The following PCDHGB2 variants were observed in gnomAD, a reference collection of about 807,000 sequenced individuals.
PCDHGB2 encodes the protein protocadherin gamma-B2.
A neutral mutation model predicts 59.3 loss-of-function variants in PCDHGB2; 55 were observed. The ratio of observed to expected loss-of-function variants is 0.93; its 90% CI spans 0.75 to 1.16. PCDHGB2 has a LOEUF of 1.16. PCDHGB2 is among the 50% of genes most tolerant of loss of function. The pLI is 0.00. For missense variants in PCDHGB2, 1,228 were observed against 1,198.5 expected, an observed-to-expected ratio of 1.02 and a Z score of -0.36; for synonymous variants, 516 against 512.0, an observed-to-expected ratio of 1.01 and a Z score of -0.11.
At chr5:141,376,287 T>A in intron 1 of PCDHGB2, 1 of 1,614,228 alleles carries the variant, frequency 6.2e-7, no homozygotes, top group Non-Finnish European at 8.5e-7. Flanking sequence ...TTAGCGAGCA[T>A]GCCCGGCTCG....
At chr5:141,376,221 C>A (rs919176873) in intron 1 of PCDHGB2, 8 of 1,614,216 alleles carry the variant, frequency 5.0e-6, no homozygotes, top group Middle Eastern at 1.7e-4. Context: ...GTGCTGCTGG[C>A]GCTCAGACTG....
chr5:141,424,383 T>C (rs2096817494), intron 1 of PCDHGB2: 2 of 152,238 alleles, frequency 1.3e-5, no homozygotes, highest in Non-Finnish European at 2.9e-5. Context: ...AAGCTCTAGA[T>C]GTCTTTTCCA....
rs370603640 is a variant in PCDHGB2, at chr5:141,365,604, T to A, written c.2421+3048T>A. Reference sequence around the variant, plus strand: ...GATTATAATATCACTTTAACCGTCATGGACCATGGAACCCCGCCCCTCTCT... The same window carrying A: ...GATTATAATATCACTTTAACCGTCAAGGACCATGGAACCCCGCCCCTCTCT... On this transcript the variant is annotated intron_variant, in intron 1 of 3. Coordinates refer to ENST00000522605, the MANE Select transcript of PCDHGB2 (RefSeq NM_018923.3). 2.5e-6 allele frequency: 4 copies of A among 1,613,672 alleles called. No individual in the cohort carries two copies. The South Asian group carries it at 4.4e-5, about 18-fold the overall frequency.
At chr5:141,404,707 C>G in intron 1 of PCDHGB2, 1 of 1,614,122 alleles carries the variant, frequency 6.2e-7, no homozygotes, top group Non-Finnish European at 8.5e-7. Context: ...CAGAGCCTGG[C>G]TACCTGGTGA....
chr5:141,445,120 AT>A (rs1287463110), intron 1 of PCDHGB2, among the ~76,000 whole-genome samples: 1 of 152,228 alleles, frequency 6.6e-6, no homozygotes, highest in African/African-American at 2.4e-5. Flanking sequence ...TGTAAATAGT[AT>A]TTTTAAAATT....
chr5:141,400,650 C>T, intron 1 of PCDHGB2: 13 of 1,174,166 alleles, frequency 1.1e-5, no homozygotes, highest in Non-Finnish European at 1.6e-5. Context: ...AGAAAGCTGT[C>T]CTACCATTCT....
chr5:141,431,799 T>A lies in PCDHGB2; in HGVS notation c.2422-63008T>A. 6.2e-7 allele frequency: 1 copy of A among 1,614,228 alleles called. No homozygotes were observed. The highest frequency in any genetic ancestry group is 8.5e-7 in the Non-Finnish European group (1 of 1,180,036). On this transcript the variant is annotated intron_variant, in intron 1 of 3. Transcript: ENST00000522605. This position sits in a 1 kb window ranked among gnomAD's most constrained non-coding sequence, Gnocchi z 4.8. ...GACGTGAACGACAATGCCCCAGAAG[T>A]GGTCCTCACCTCTCTCGCCAGCTCG...
At position 141,491,566 on chromosome 5, in the gene PCDHGB2, A is replaced by G; in HGVS notation, c.2422-3241A>G. Reference sequence around the variant, plus strand: ...AGACTCGCAGAGCCACTGCTACAGGACGTGCTTTTCACCGGCCTCGGACGG... The same window carrying G: ...AGACTCGCAGAGCCACTGCTACAGGGCGTGCTTTTCACCGGCCTCGGACGG... On this transcript the variant is annotated intron_variant, in intron 1 of 3. Transcript: ENST00000522605. This position sits in a 1 kb window ranked among gnomAD's most constrained non-coding sequence, Gnocchi z 6.9. 1 of 1,613,950 alleles carries G rather than the reference A, an allele frequency of 6.2e-7. No individual in the cohort carries two copies.
chr5:141,421,731 C>A (rs73792198), intron 1 of PCDHGB2: 144,261 of 1,613,668 alleles, frequency 0.089, 7,407 homozygotes, highest in African/African-American at 0.18. Flanking sequence ...TGAACTCCCT[C>A]CAGAGCTACC....
chr5:141,457,058 T>A (rs756862311), intron 1 of PCDHGB2, among the ~76,000 whole-genome samples: 2 of 152,230 alleles, frequency 1.3e-5, no homozygotes, highest in Non-Finnish European at 2.9e-5. Flanking sequence ...TCATGCTTCC[T>A]TTTTGCCAGT....
chr5:141,394,128 G>T, intron 1 of PCDHGB2: 10 of 1,613,730 alleles, frequency 6.2e-6, no homozygotes, highest in Non-Finnish European at 5.9e-6. Context: ...AACTCAAATC[G>T]CTCTGCACGT....
chr5:141,402,402 T>TTAAGATAC (rs1275769528), intron 1 of PCDHGB2, among the ~76,000 whole-genome samples: 2 of 152,012 alleles, frequency 1.3e-5, no homozygotes, highest in South Asian at 4.1e-4. Context: ...CAGAAAATTG[T>TTAAGATAC]TAAGATACAC....
intron 1 of PCDHGB2, chr5:141,385,537 T>A (rs1486400401): frequency 1.5e-6 from 2 of 1,341,418 alleles, no homozygotes; most frequent in Non-Finnish European, 1.9e-6. Flanking sequence ...ATTATGAATA[T>A]GTGGACTATC....
intron 1 of PCDHGB2, chr5:141,372,151 A>G: frequency 6.2e-7 from 1 of 1,613,654 alleles, no homozygotes; most frequent in South Asian, 1.1e-5. Flanking sequence ...GAGCCTGGCT[A>G]CCTGGTGACC....
intron 1 of PCDHGB2, among the ~76,000 whole-genome samples, chr5:141,472,001 G>A (rs992798148): frequency 1.1e-4 from 17 of 152,022 alleles, no homozygotes; most frequent in East Asian, 3.9e-4. Context: ...TCCCTGCATC[G>A]TATAGGGGCA....
intron 1 of PCDHGB2, among the ~76,000 whole-genome samples, chr5:141,471,992 C>T (rs2099268578): frequency 6.6e-6 from 1 of 152,070 alleles, no homozygotes; most frequent in Non-Finnish European, 1.5e-5. Flanking sequence ...TATTAAAAAT[C>T]CCTGCATCGT....
At position 141,483,010 on chromosome 5, in the gene PCDHGB2, G is replaced by A. The variant is rs574078222; in HGVS notation, c.2422-11797G>A. Among the ~76,000 whole-genome samples the A allele has an allele frequency of 1.3e-3, 204 of 152,122 alleles. 1 individual carries two copies. Among genetic ancestry groups the A allele is most frequent in the African/African-American group, 4.0e-3 (168 of 41,498 alleles). On this transcript the variant is annotated intron_variant, in intron 1 of 3. Coordinates refer to ENST00000522605, the MANE Select transcript of PCDHGB2 (RefSeq NM_018923.3). Reference sequence around the variant, plus strand: ...CGAGGCAGGAGAATTGCTTGAACCCGGGAGGCAGAGGTTGCAATGAGCTGG... The same window carrying A: ...CGAGGCAGGAGAATTGCTTGAACCCAGGAGGCAGAGGTTGCAATGAGCTGG...
intron 1 of PCDHGB2, chr5:141,403,339 C>T (rs2094393588): frequency 1.2e-6 from 2 of 1,613,892 alleles, no homozygotes; most frequent in Admixed American, 1.7e-5. Context: ...TTAACGACAG[C>T]GCCCCAAAGT....
intron 1 of PCDHGB2, chr5:141,373,990 G>A: frequency 8.2e-7 from 1 of 1,221,932 alleles, no homozygotes; most frequent in East Asian, 2.8e-5. Flanking sequence ...TCTGCTTGTT[G>A]AAGGACCTTC....
Sources: gnomAD v4.1 joint callset for allele counts (sites outside exome capture counted in the v4.1 genomes callset) on GRCh38, gnomAD v4.1.1 for gene constraint, Gnocchi (gnomAD v3.1) non-coding constraint, MANE v1.5 for transcripts, NCBI Gene and HGNC (gene_info 2026-07-23, HGNC 2026-07-21) for gene names.